Variants in NCLN observed in about 807,000 individuals in gnomAD.
NCLN encodes the protein nicalin.
NCLN carries 34 observed loss-of-function variants against 69.5 expected under a neutral mutation model. The observed-to-expected ratio is 0.49, with a 90% CI of 0.37 to 0.65. The LOEUF (loss-of-function observed/expected upper bound fraction) is 0.65. Among genes scored for constraint, NCLN ranks in the 30% least tolerant of loss-of-function variants. NCLN has a pLI of 0.00. For missense variants in NCLN, 710 were observed against 804.8 expected (o/e 0.88, Z 1.42); for synonymous variants, 393 against 358.3 (o/e 1.10, Z -1.09).
At chr19:3,188,956 C>T (rs1160380207) in intron 1 of NCLN, among the ~76,000 whole-genome samples, 2 of 152,240 alleles carry the variant, frequency 1.3e-5, no homozygotes, top group African/African-American at 4.8e-5. Context: ...CAGCGTGCTG[C>T]CTTTGAGGCC....
chr19:3,204,415 C>T (rs573746821), intron 8 of NCLN, among the ~76,000 whole-genome samples, 158 bp from the exon 9 acceptor site: 7 of 152,208 alleles, frequency 4.6e-5, no homozygotes, highest in Non-Finnish European at 1.0e-4. Context: ...CATTGCCCGC[C>T]GGGGCTCCAG....
chr19:3,201,940 C>T (rs907379007), intron 6 of NCLN, among the ~76,000 whole-genome samples: 4 of 151,978 alleles, frequency 2.6e-5, no homozygotes, highest in African/African-American at 4.8e-5. Flanking sequence ...TGGTCGGGGC[C>T]GGATTTTTCG....
chr19:3,198,334 G>T (rs929983327), intron 4 of NCLN, among the ~76,000 whole-genome samples: 1 of 151,866 alleles, frequency 6.6e-6, no homozygotes, highest in African/African-American at 2.4e-5. Context: ...ATGAAACCCC[G>T]TCTCTACTAA....
chr19:3,194,090 C>T (rs1038013198), intron 3 of NCLN, among the ~76,000 whole-genome samples: 3 of 152,174 alleles, frequency 2.0e-5, no homozygotes, highest in African/African-American at 4.8e-5. Flanking sequence ...GTGTCCTGGC[C>T]CAGCCCCAAC....
intron 1 of NCLN, among the ~76,000 whole-genome samples, chr19:3,187,262 C>T (rs1439061024): frequency 6.6e-6 from 1 of 152,242 alleles, no homozygotes; most frequent in Non-Finnish European, 1.5e-5. Context: ...ATCCCCTTGT[C>T]TTTGCCTGGC....
At chr19:3,195,848 A>T (rs1251009530) in intron 3 of NCLN, among the ~76,000 whole-genome samples, 8 of 152,154 alleles carry the variant, frequency 5.3e-5, no homozygotes, top group Non-Finnish European at 1.0e-4. Context: ...TGCGGACTCA[A>T]AGTTGTGTGA....
At chr19:3,196,775 A>C (rs1191335253) in intron 4 of NCLN, among the ~76,000 whole-genome samples, 1 of 152,214 alleles carries the variant, frequency 6.6e-6, no homozygotes, top group African/African-American at 2.4e-5. Flanking sequence ...GCAGATCCAG[A>C]GGGTGAAGCC....
Position 3,192,591 on chromosome 19 carries a change from G to A in NCLN, c.306G>A (p.Arg102=). The change falls in exon 2 of 15, where the codon CGG becomes CGA. Residue 102 remains arginine, a synonymous_variant. Coordinates refer to ENST00000246117, the MANE Select transcript of NCLN (RefSeq NM_020170.4). ...FSYEQYQKAL[R]QSAGAVVIIL... is the part of the protein sequence containing the mutation. Reference sequence around the variant, plus strand: ...ACGAGCAGTACCAGAAGGCCCTGCGGCAGTCGGCGGGCGCCGTGGTCATCA... The same window carrying A: ...ACGAGCAGTACCAGAAGGCCCTGCGACAGTCGGCGGGCGCCGTGGTCATCA... 1 of 1,606,114 alleles carries A rather than the reference G, an allele frequency of 6.2e-7. No homozygotes were observed. The highest frequency in any genetic ancestry group is 8.5e-7 in the Non-Finnish European group (1 of 1,175,898).
chr19:3,189,058 A>G (rs1915745408), intron 1 of NCLN, among the ~76,000 whole-genome samples: 1 of 152,170 alleles, frequency 6.6e-6, no homozygotes, highest in South Asian at 2.1e-4. Context: ...GTCCTTTCCC[A>G]ACTTCCTTCC....
At chr19:3,200,493 G>A (rs1916098217) in intron 5 of NCLN, among the ~76,000 whole-genome samples, 1 of 151,298 alleles carries the variant, frequency 6.6e-6, no homozygotes, top group Admixed American at 6.6e-5. Context: ...TGTATTTTTA[G>A]TAGAGATAGG....
intron 6 of NCLN, among the ~76,000 whole-genome samples, chr19:3,202,197 A>T (rs955437211): frequency 5.3e-5 from 8 of 152,032 alleles, no homozygotes; most frequent in Admixed American, 5.2e-4. Flanking sequence ...CACACATTGA[A>T]ATCCACACCC....
chr19:3,186,673 G>GT (rs1396857993), intron 1 of NCLN, among the ~76,000 whole-genome samples: 2 of 152,192 alleles, frequency 1.3e-5, no homozygotes, highest in African/African-American at 2.4e-5. Flanking sequence ...AGACCATCTG[G>GT]TTGGTCTCTG....
intron 3 of NCLN, among the ~76,000 whole-genome samples, chr19:3,194,744 C>CT (rs745406038): frequency 0.45 from 61,305 of 136,346 alleles, 14,023 homozygotes; most frequent in East Asian, 0.71. Flanking sequence ...GAGTCGTCTT[C>CT]TTTTTTTTTT....
chr19:3,198,376 G>A (rs1209597010), intron 4 of NCLN, among the ~76,000 whole-genome samples: 2 of 151,870 alleles, frequency 1.3e-5, no homozygotes, highest in African/African-American at 2.4e-5. Context: ...ATGTGGTGGC[G>A]GGTGCCTGTA....
At position 3,206,196 on chromosome 19, in the gene NCLN, G is replaced by A. The variant is rs1372809958; in HGVS notation, c.1335+6G>A. 3 of 1,510,620 alleles carry A rather than the reference G, an allele frequency of 2.0e-6. No homozygotes were observed. The highest frequency in any genetic ancestry group is 4.1e-5 in the Admixed American group (2 of 48,826). The allele number at this position is 1,510,620 out of a possible 1,614,324, so 93.6% of individuals were successfully genotyped here. Reference sequence around the variant, plus strand: ...CGGTGTTCACAGAGCAGATGGTAAGGGGGCCAGGCCAGTGGGTGGGTGGGT... The same window carrying A: ...CGGTGTTCACAGAGCAGATGGTAAGAGGGCCAGGCCAGTGGGTGGGTGGGT... On this transcript the variant is annotated splice_donor_region_variant and intron_variant, in intron 11 of 14. Transcript: ENST00000246117.
In NCLN at chr19:3,207,807, C is replaced by A; in HGVS notation, c.*119C>A. 1 of 794,582 alleles carries A rather than the reference C, an allele frequency of 1.3e-6. No homozygotes were observed. The highest frequency in any genetic ancestry group is 2.5e-5 in the East Asian group (1 of 39,568). The allele number at this position is 794,582 out of a possible 1,614,324, so 49.2% of individuals were successfully genotyped here. Reference sequence around the variant, plus strand: ...CAGGGACAGGGGCCCTCTCCCTCCCCGGCGGTGGTTGGAACACTGAATTAC... The same window carrying A: ...CAGGGACAGGGGCCCTCTCCCTCCCAGGCGGTGGTTGGAACACTGAATTAC... On this transcript the variant is annotated 3_prime_UTR_variant, in exon 15 of 15. Transcript: ENST00000246117.
chr19:3,191,393 G>T (rs113654472), intron 1 of NCLN, among the ~76,000 whole-genome samples: 3 of 152,118 alleles, frequency 2.0e-5, no homozygotes, highest in Non-Finnish European at 1.5e-5. Flanking sequence ...AGCGACGGCC[G>T]TGGCCTTCCA....
At chr19:3,188,754 G>A (rs906775776) in intron 1 of NCLN, among the ~76,000 whole-genome samples, 14 of 152,222 alleles carry the variant, frequency 9.2e-5, no homozygotes, top group Non-Finnish European at 7.3e-5. Context: ...CGGGGTGAGC[G>A]GAGGAGCCCA....
intron 4 of NCLN, among the ~76,000 whole-genome samples, chr19:3,197,444 T>C (rs943530253): frequency 5.3e-5 from 8 of 152,070 alleles, no homozygotes; most frequent in South Asian, 2.1e-4. Flanking sequence ...TTTTTGCTTG[T>C]TTGTTTTTGT....
Sources: allele counts gnomAD v4.1 joint callset (sites outside exome capture counted in the v4.1 genomes callset), GRCh38; gene constraint gnomAD v4.1.1; transcripts MANE v1.5; gene names NCBI Gene and HGNC (gene_info 2026-07-23, HGNC 2026-07-21).